The following CNTNAP2 variants were observed in gnomAD, a reference collection of about 807,000 sequenced individuals.
The protein encoded by CNTNAP2 is contactin-associated protein-like 2.
CNTNAP2 carries 98 observed loss-of-function variants against 155.2 expected under a neutral mutation model. That is an observed-to-expected ratio of 0.63 (90% CI 0.54 to 0.75). CNTNAP2 has a LOEUF of 0.75. Ranked by LOEUF, CNTNAP2 falls within the 30% of genes least tolerant of loss-of-function variation. The pLI is 0.00. For synonymous variants in CNTNAP2, 651 were observed against 631.2 expected (o/e 1.03, Z -0.47); for missense variants, 1,727 against 1,688.1 (o/e 1.02, Z -0.40).
intron 17 of CNTNAP2, among the ~76,000 whole-genome samples, chr7:148,156,736 C>A (rs1321642069): frequency 1.3e-5 from 2 of 152,114 alleles, no homozygotes; most frequent in African/African-American, 4.8e-5. Context: ...ACTCTTGATG[C>A]CTCCTGGAAA....
intron 14 of CNTNAP2, among the ~76,000 whole-genome samples, chr7:147,936,771 C>T (rs1031429381): frequency 1.3e-5 from 2 of 152,140 alleles, no homozygotes; most frequent in African/African-American, 4.8e-5. Context: ...CACTCAAACA[C>T]CAATTTTAGG....
chr7:147,732,126 G>A (rs887817071), intron 13 of CNTNAP2, among the ~76,000 whole-genome samples: 2 of 151,748 alleles, frequency 1.3e-5, no homozygotes, highest in Non-Finnish European at 2.9e-5. Flanking sequence ...CCATGTTGGT[G>A]TGCTGCACCC....
At chr7:148,210,234 G>C (rs4526286) in intron 18 of CNTNAP2, among the ~76,000 whole-genome samples, 1 of 151,968 alleles carries the variant, frequency 6.6e-6, no homozygotes, top group Non-Finnish European at 1.5e-5. Flanking sequence ...TGCAATCCAC[G>C]ACTTTTGATT....
chr7:146,729,571 GTA>G (rs903485844), intron 1 of CNTNAP2, among the ~76,000 whole-genome samples: 4 of 151,310 alleles, frequency 2.6e-5, no homozygotes, highest in Admixed American at 2.0e-4. Flanking sequence ...TTAAATATAT[GTA>G]TATATATATT....
rs147486998 is a variant in CNTNAP2, at chr7:146,482,849, C to T, written c.98-291422C>T. Reference sequence around the variant, plus strand: ...TAGATATCATGGAATATTATACATACTCATGGTCGAGAAATAAAAAACCTT... The same window carrying T: ...TAGATATCATGGAATATTATACATATTCATGGTCGAGAAATAAAAAACCTT... On this transcript the variant is annotated intron_variant, in intron 1 of 23. Coordinates refer to ENST00000361727, the MANE Select transcript of CNTNAP2 (RefSeq NM_014141.6). 1.6e-3 allele frequency among the ~76,000 whole-genome samples: 248 copies of T among 152,092 alleles called. 3 individuals carry two copies. In the East Asian group the frequency reaches 0.036, roughly 22 times the overall value.
rs527546288 is a variant in CNTNAP2 at position 147,874,670 on chromosome 7, A to G, written c.2099-28895A>G. On this transcript the variant is annotated intron_variant, in intron 13 of 23. Coordinates refer to ENST00000361727, the MANE Select transcript of CNTNAP2 (RefSeq NM_014141.6). Reference sequence around the variant, plus strand: ...TTTCCCTGTTGTCTTGGTGTTTAACATTCAGCTTTGTTTGTTTGTTTATGC... The same window carrying G: ...TTTCCCTGTTGTCTTGGTGTTTAACGTTCAGCTTTGTTTGTTTGTTTATGC... 3.9e-5 allele frequency among the ~76,000 whole-genome samples: 6 copies of G among 152,336 alleles called. No individual in the cohort carries two copies. The East Asian group carries it at 9.6e-4, about 24-fold the overall frequency.
intron 3 of CNTNAP2, among the ~76,000 whole-genome samples, chr7:146,992,101 G>A (rs1798219034): frequency 6.6e-6 from 1 of 151,938 alleles, no homozygotes; most frequent in African/African-American, 2.4e-5. Flanking sequence ...TCAATATTAT[G>A]GAATGACTGT....
intron 12 of CNTNAP2, among the ~76,000 whole-genome samples, chr7:147,622,931 A>T (rs915534179): frequency 6.6e-6 from 1 of 152,114 alleles, no homozygotes; most frequent in Non-Finnish European, 1.5e-5. Flanking sequence ...GAAAAAGGAG[A>T]CATTACAACT....
intron 13 of CNTNAP2, among the ~76,000 whole-genome samples, chr7:147,851,364 T>C (rs1035904154): frequency 6.3e-4 from 96 of 152,248 alleles, no homozygotes; most frequent in Middle Eastern, 3.4e-3. Flanking sequence ...GACAGTGTGG[T>C]GATTCCTCAG....
chr7:147,250,890 G>A (rs910771446), intron 8 of CNTNAP2, among the ~76,000 whole-genome samples: 1 of 152,152 alleles, frequency 6.6e-6, no homozygotes, highest in African/African-American at 2.4e-5. Flanking sequence ...GCTAAAGTTT[G>A]AGAACTACTG....
chr7:146,972,094 A>G (rs1170318738), intron 3 of CNTNAP2, among the ~76,000 whole-genome samples: 1 of 152,214 alleles, frequency 6.6e-6, no homozygotes, highest in Non-Finnish European at 1.5e-5. Flanking sequence ...CAAGATAACC[A>G]GCTACAATTA....
intron 11 of CNTNAP2, among the ~76,000 whole-genome samples, chr7:147,521,010 G>C (rs185259128): frequency 5.5e-4 from 84 of 152,240 alleles, no homozygotes; most frequent in Non-Finnish European, 1.0e-3. Flanking sequence ...AACATTCCTT[G>C]ACCACATGAA....
intron 2 of CNTNAP2, among the ~76,000 whole-genome samples, chr7:146,825,181 CA>C (rs991984706): frequency 6.6e-6 from 1 of 152,018 alleles, no homozygotes; most frequent in African/African-American, 2.4e-5. Context: ...AACACACCCA[CA>C]ATGCTTTTGG....
At chr7:147,203,379 C>A (rs1386319057) in intron 8 of CNTNAP2, among the ~76,000 whole-genome samples, 1 of 152,048 alleles carries the variant, frequency 6.6e-6, no homozygotes, top group Non-Finnish European at 1.5e-5. Context: ...TTACAGGTAC[C>A]CACCACCATG....
rs1794841510 is a variant in CNTNAP2, at chr7:148,172,561, A to G, written c.3010+83A>G. The G allele has an allele frequency of 3.3e-6, 4 of 1,216,940 alleles. No homozygotes were observed. In the Admixed American group the frequency reaches 6.7e-5, roughly 20 times the overall value. The allele number at this position is 1,216,940 out of a possible 1,614,324, so 75.4% of individuals were successfully genotyped here. ...CTATTTAATGATTTTTCATATGTAA[A>G]CAAGTGTACCTTATTCTGAGGTTAA... On this transcript the variant is annotated intron_variant, in intron 18 of 23. Transcript: ENST00000361727.
chr7:148,092,879 TAAAA>T (rs11321148), intron 15 of CNTNAP2, among the ~76,000 whole-genome samples: 5 of 122,722 alleles, frequency 4.1e-5, no homozygotes, highest in Admixed American at 8.5e-5. Flanking sequence ...AGTCTCAATT[TAAAA>T]AAAAAAAAAA....
intron 17 of CNTNAP2, among the ~76,000 whole-genome samples, chr7:148,170,677 A>G (rs946097761): frequency 6.6e-6 from 1 of 152,220 alleles, no homozygotes; most frequent in African/African-American, 2.4e-5. Flanking sequence ...GAGAACTGCA[A>G]GGCTTGGGTT....
intron 21 of CNTNAP2, among the ~76,000 whole-genome samples, chr7:148,368,118 C>G (rs115297567): frequency 9.2e-5 from 14 of 152,318 alleles, no homozygotes; most frequent in Non-Finnish European, 1.9e-4. Context: ...GTCTAAGAGA[C>G]GACTGCAGCT....
chr7:146,565,534 C>G (rs555786165), intron 1 of CNTNAP2, among the ~76,000 whole-genome samples: 5 of 152,108 alleles, frequency 3.3e-5, no homozygotes, highest in Non-Finnish European at 5.9e-5. Flanking sequence ...CACATTGCTA[C>G]GCTTTTTTAT....
Sources: allele counts gnomAD v4.1 joint callset (sites outside exome capture counted in the v4.1 genomes callset), GRCh38; gene constraint gnomAD v4.1.1; transcripts MANE v1.5; gene names NCBI Gene and HGNC (gene_info 2026-07-23, HGNC 2026-07-21).